The following UGGT2 variants were observed in gnomAD, a reference collection of about 807,000 sequenced individuals.
UGGT2 encodes UDP-glucose glycoprotein glucosyltransferase 2.
UGGT2 carries 180 observed loss-of-function variants against 192.1 expected under a neutral mutation model. The ratio of observed to expected loss-of-function variants is 0.94; its 90% CI spans 0.83 to 1.06. UGGT2 has a LOEUF of 1.06. UGGT2 is among the 50% of genes least tolerant of loss of function. UGGT2 has a pLI of 0.00. For synonymous variants in UGGT2, 580 were observed against 591.0 expected (o/e 0.98, Z 0.27); for missense variants, 1,849 against 1,795.7 (o/e 1.03, Z -0.54).
At chr13:96,029,113 T>C (rs1211649179) in intron 2 of UGGT2, among the ~76,000 whole-genome samples, 1 of 152,038 alleles carries the variant, frequency 6.6e-6, no homozygotes, top group South Asian at 2.1e-4. Flanking sequence ...ATCATGCCAC[T>C]GAACTCCAGC....
At chr13:95,868,381 A>G (rs1890875019) in intron 29 of UGGT2, among the ~76,000 whole-genome samples, 2 of 151,638 alleles carry the variant, frequency 1.3e-5, no homozygotes, top group South Asian at 4.2e-4. Context: ...GAATCGCTTG[A>G]GTCTAGGAGT....
chr13:95,821,198 T>C (rs1348801520), intron 38 of UGGT2, among the ~76,000 whole-genome samples: 1 of 152,094 alleles, frequency 6.6e-6, no homozygotes, highest in Non-Finnish European at 1.5e-5. Flanking sequence ...TAATATACAG[T>C]CCCAACAGTA....
At chr13:95,990,209 G>C (rs528444479) in intron 7 of UGGT2, 136 bp from the exon 8 acceptor site, 1 of 488,908 alleles carries the variant, frequency 2.0e-6, no homozygotes, top group East Asian at 3.3e-5. Flanking sequence ...ATCATAAATT[G>C]TGATACAGCT....
intron 36 of UGGT2, among the ~76,000 whole-genome samples, chr13:95,842,137 T>C (rs559509503): frequency 1.2e-4 from 19 of 152,198 alleles, no homozygotes; most frequent in Admixed American, 6.5e-4. Context: ...TAATTGAATA[T>C]AGCTATCACC....
chr13:95,999,324 AT>A lies in UGGT2; in HGVS notation c.661-18del. On this transcript the variant is annotated intron_variant, in intron 5 of 38. Transcript: ENST00000376747. ...GCTTGGTTTCTGTTCAAACACATTT[AT>A]TTTATAAAAAGCGAAAAGAGTTAGT... The A allele has an allele frequency of 6.2e-7, 1 of 1,610,568 alleles. No homozygotes were observed. Among genetic ancestry groups the A allele is most frequent in the Non-Finnish European group, 8.5e-7 (1 of 1,177,208 alleles).
rs2051584529 is a variant in UGGT2 at position 95,995,330 on chromosome 13, A to G, written c.830+733T>C. The G allele has an allele frequency of 3.9e-5, 6 of 152,108 alleles. No individual in the cohort carries two copies. In the South Asian group the frequency reaches 1.2e-3, roughly 31 times the overall value. The allele number at this position is 152,108 out of a possible 1,614,324, so 9.4% of individuals were successfully genotyped here. A position where few individuals can be genotyped will look rare whatever the true frequency, so the allele number is the denominator to read the frequency against. ...GACTTTCTTGGAGACAAATTATAAA[A>G]TTGGTTCAATCCAGTGAATTAAATA... On this transcript the variant is annotated intron_variant, in intron 7 of 38. Coordinates refer to ENST00000376747, the MANE Select transcript of UGGT2 (RefSeq NM_020121.4).
At chr13:95,998,174 G>A (rs2051685924) in intron 6 of UGGT2, among the ~76,000 whole-genome samples, 1 of 152,136 alleles carries the variant, frequency 6.6e-6, no homozygotes, top group Non-Finnish European at 1.5e-5. Context: ...GACAGGCGAA[G>A]ACATATTCCA....
intron 4 of UGGT2, among the ~76,000 whole-genome samples, chr13:96,021,570 T>C (rs1421417944): frequency 6.6e-6 from 1 of 152,226 alleles, no homozygotes; most frequent in Non-Finnish European, 1.5e-5. Context: ...AATGTACAGC[T>C]ATTCATTTAT....
intron 34 of UGGT2, among the ~76,000 whole-genome samples, chr13:95,855,262 G>C (rs1006481412): frequency 6.6e-6 from 1 of 151,910 alleles, no homozygotes; most frequent in East Asian, 1.9e-4. Context: ...CTCCAGCCTG[G>C]ATGACAGAGT....
intron 23 of UGGT2, among the ~76,000 whole-genome samples, chr13:95,894,910 G>A (rs7338859): frequency 0.36 from 54,427 of 151,896 alleles, 10,149 homozygotes; most frequent in Middle Eastern, 0.42. Flanking sequence ...CAATCTATAG[G>A]AAAATGGTTA....
chr13:95,936,777 C>G, intron 17 of UGGT2, 147 bp downstream of exon 17: 1 of 808,832 alleles, frequency 1.2e-6, no homozygotes. Context: ...GTGGCTTAAG[C>G]TGCTAAAAGT....
At chr13:95,853,426 A>G (rs975191153) in intron 36 of UGGT2, 117 bp downstream of exon 36, 15 of 665,026 alleles carry the variant, frequency 2.3e-5, no homozygotes, top group Non-Finnish European at 3.7e-5. Flanking sequence ...AGATAATTAC[A>G]TAAACAGCAG....
intron 38 of UGGT2, among the ~76,000 whole-genome samples, chr13:95,819,905 C>T (rs991043941): frequency 6.6e-6 from 1 of 152,196 alleles, no homozygotes; most frequent in African/African-American, 2.4e-5. Context: ...TGCCTGTAAT[C>T]CCAGCACTTT....
In UGGT2 at chr13:95,937,673, A is replaced by G. The variant is rs868435909; in HGVS notation, c.1813-585T>C. Among the ~76,000 whole-genome samples, 8 of 152,328 alleles carry G rather than the reference A, an allele frequency of 5.3e-5. No individual in the cohort carries two copies. The East Asian group carries it at 1.2e-3, about 22-fold the overall frequency. On this transcript the variant is annotated intron_variant, in intron 16 of 38. Transcript: ENST00000376747. The stretch of plus-strand genomic sequence containing the variant: ...AGAAGACTCTATGGGGCCCAGGAGA[A>G]GCACCTAATCAAGCTGGAGTATGGA...
chr13:95,905,421 T>A (rs973547844), intron 20 of UGGT2, among the ~76,000 whole-genome samples: 1 of 152,120 alleles, frequency 6.6e-6, no homozygotes, highest in African/African-American at 2.4e-5. Context: ...AGGGTTTTTA[T>A]GGTTTTAGGT....
intron 17 of UGGT2, among the ~76,000 whole-genome samples, chr13:95,936,081 A>T (rs1445961702): frequency 6.6e-6 from 1 of 151,878 alleles, no homozygotes; most frequent in Non-Finnish European, 1.5e-5. Context: ...TCTTGAATTG[A>T]CCTCCCAAAG....
At chr13:95,914,833 C>T (rs2048631225) in intron 20 of UGGT2, among the ~76,000 whole-genome samples, 1 of 151,684 alleles carries the variant, frequency 6.6e-6, no homozygotes, top group African/African-American at 2.4e-5. Flanking sequence ...AAAAAACCCC[C>T]TGCAAAACTC....
intron 25 of UGGT2, among the ~76,000 whole-genome samples, chr13:95,889,245 G>A (rs1272659298): frequency 6.6e-6 from 1 of 152,112 alleles, no homozygotes; most frequent in Non-Finnish European, 1.5e-5. Flanking sequence ...TCTGAATAGT[G>A]TATCTCAAGA....
At chr13:95,963,709 CA>C (rs1203236182) in intron 12 of UGGT2, among the ~76,000 whole-genome samples, 3 of 151,926 alleles carry the variant, frequency 2.0e-5, no homozygotes, top group African/African-American at 7.3e-5. Flanking sequence ...AATCAGCACA[CA>C]AAAATCAGTA....
Sources: gnomAD v4.1 joint callset for allele counts (sites outside exome capture counted in the v4.1 genomes callset) on GRCh38, gnomAD v4.1.1 for gene constraint, MANE v1.5 for transcripts, NCBI Gene and HGNC (gene_info 2026-07-23, HGNC 2026-07-21) for gene names.